XKR6: variants seen among roughly 807,000 people sequenced by gnomAD.
XKR6 encodes the protein XK related 6.
XKR6 carries 22 observed loss-of-function variants against 56.7 expected under a neutral mutation model. The ratio of observed to expected loss-of-function variants is 0.39; its 90% confidence interval spans 0.28 to 0.55. XKR6 has a LOEUF of 0.55. XKR6 is among the 20% of genes least tolerant of loss of function. XKR6 has a pLI of 0.66. For missense variants in XKR6, 852 were observed against 889.0 expected (o/e 0.96, Z 0.53); for synonymous variants, 524 against 387.8 (o/e 1.35, Z -4.13).
At chr8:11,128,832 A>C (rs1203829400) in intron 1 of XKR6, 2 of 456,764 alleles carry the variant, frequency 4.4e-6, no homozygotes, top group South Asian at 3.1e-5. Context: ...GAATCTGATC[A>C]CCTTACCACC....
At chr8:11,120,390 T>A (rs565077752) in intron 1 of XKR6, among the ~76,000 whole-genome samples, 1 of 152,068 alleles carries the variant, frequency 6.6e-6, no homozygotes, top group African/African-American at 2.4e-5. Flanking sequence ...TATACACCAA[T>A]AACAGACAAA....
chr8:10,979,166 G>A (rs996642105), intron 1 of XKR6, among the ~76,000 whole-genome samples: 7 of 151,844 alleles, frequency 4.6e-5, no homozygotes, highest in African/African-American at 1.2e-4. Flanking sequence ...GGGATCTCAC[G>A]GCACATCCTA....
chr8:10,967,680 G>C (rs1802266765), intron 1 of XKR6, among the ~76,000 whole-genome samples: 1 of 152,174 alleles, frequency 6.6e-6, no homozygotes, highest in Admixed American at 6.5e-5. Flanking sequence ...CAGGGCAGAG[G>C]GTCTGCAGCA....
At chr8:11,092,657 T>A (rs1352448227) in intron 1 of XKR6, among the ~76,000 whole-genome samples, 3 of 152,190 alleles carry the variant, frequency 2.0e-5, no homozygotes, top group African/African-American at 7.2e-5. Flanking sequence ...CAAGAAAGGC[T>A]GAGTAAAGCC....
At chr8:10,970,616 C>G (rs566952891) in intron 1 of XKR6, among the ~76,000 whole-genome samples, 1 of 152,078 alleles carries the variant, frequency 6.6e-6, no homozygotes, top group South Asian at 2.1e-4. Flanking sequence ...CTCAACTGTT[C>G]ATTCCTGTGA....
At chr8:10,946,066 C>A (rs191835695) in intron 1 of XKR6, among the ~76,000 whole-genome samples, 1 of 152,000 alleles carries the variant, frequency 6.6e-6, no homozygotes, top group Admixed American at 6.6e-5. Flanking sequence ...CTGCCATGCC[C>A]GTGATGGGAA....
chr8:11,085,543 C>G (rs1320171439), intron 1 of XKR6, among the ~76,000 whole-genome samples: 1 of 152,132 alleles, frequency 6.6e-6, no homozygotes, highest in Non-Finnish European at 1.5e-5. Context: ...CCTAAGTGAT[C>G]TTGGCCAGAG....
chr8:11,159,407 AT>A (rs1300167698), intron 1 of XKR6, among the ~76,000 whole-genome samples: 3 of 152,226 alleles, frequency 2.0e-5, no homozygotes, highest in Non-Finnish European at 4.4e-5. Context: ...GCTATGGCAA[AT>A]ACTGACCTAG....
At position 11,200,743 on chromosome 8, in the gene XKR6, G is replaced by A. The variant is rs1804171769; in HGVS notation, c.597C>T (p.Leu199=). The change falls in exon 1 of 3, where the codon CTC becomes CTT. Residue 199 remains leucine (L), a synonymous_variant. Transcript: ENST00000416569. This position sits in a 1 kb window ranked among gnomAD's most constrained non-coding sequence, Gnocchi z 6.4. ...TGGGLGAVEG[L]TSRGPPMMGA... ...CCATCATGGGGGGGCCCCGGCTGGT[G>A]AGCCCCTCCACGGCGCCCAGCCCGC... 3 of 1,594,712 alleles carry A rather than the reference G, an allele frequency of 1.9e-6. No homozygotes were observed. Among genetic ancestry groups the A allele is most frequent in the African/African-American group, 1.4e-5 (1 of 72,692 alleles).
intron 1 of XKR6, among the ~76,000 whole-genome samples, chr8:11,196,197 T>G (rs543740583): frequency 3.3e-5 from 5 of 152,282 alleles, no homozygotes; most frequent in African/African-American, 1.2e-4. Flanking sequence ...ACATTACAGA[T>G]CACTTATCCC....
At position 11,201,457 on chromosome 8, in the gene XKR6, C is replaced by G; in HGVS notation, c.-118G>C. 2 of 462,706 alleles carry G rather than the reference C, an allele frequency of 4.3e-6. No homozygotes were observed. The highest frequency in any genetic ancestry group is 4.7e-5 in the South Asian group (2 of 42,142). The allele number at this position is 462,706 out of a possible 1,614,324, so 28.7% of individuals were successfully genotyped here. ...GAGAGGAAGGGGGGCGGGGAGGAAG[C>G]GGGGGAGCAAACGAACGAGGGGGGA... On this transcript the variant is annotated 5_prime_UTR_variant, in exon 1 of 3. Coordinates refer to ENST00000416569, the MANE Select transcript of XKR6 (RefSeq NM_173683.4).
chr8:11,078,516 G>A (rs1485641682), intron 1 of XKR6, among the ~76,000 whole-genome samples: 1 of 152,192 alleles, frequency 6.6e-6, no homozygotes, highest in Non-Finnish European at 1.5e-5. Flanking sequence ...CAGGAACCTT[G>A]AGGTCACTGG....
At chr8:10,998,502 T>C (rs1798166795) in intron 1 of XKR6, among the ~76,000 whole-genome samples, 1 of 152,152 alleles carries the variant, frequency 6.6e-6, no homozygotes, top group South Asian at 2.1e-4. Flanking sequence ...ACTTCAAATT[T>C]ATGAGTATAA....
chr8:11,149,156 T>A (rs1801140943), intron 1 of XKR6, among the ~76,000 whole-genome samples: 1 of 152,188 alleles, frequency 6.6e-6, no homozygotes, highest in Non-Finnish European at 1.5e-5. Flanking sequence ...TACAGTCATG[T>A]GTCACTTAAG....
chr8:10,915,894 C>A (rs910026646), intron 2 of XKR6, among the ~76,000 whole-genome samples: 1 of 152,174 alleles, frequency 6.6e-6, no homozygotes, highest in African/African-American at 2.4e-5. Context: ...GATGAAGATG[C>A]GAGCCAGCCA....
At chr8:10,948,544 G>A (rs192527314) in intron 1 of XKR6, among the ~76,000 whole-genome samples, 11 of 152,306 alleles carry the variant, frequency 7.2e-5, no homozygotes. Context: ...TGCAGACCTT[G>A]TAGGGCCTGG....
At chr8:10,924,513 G>T in intron 2 of XKR6, 121 bp downstream of exon 2, 1 of 1,224,006 alleles carries the variant, frequency 8.2e-7, no homozygotes, top group Non-Finnish European at 1.1e-6. Flanking sequence ...GCGTCCTGGG[G>T]ACTCAGGGCA....
intron 1 of XKR6, among the ~76,000 whole-genome samples, chr8:11,182,964 A>G (rs1803075054): frequency 6.6e-6 from 1 of 152,200 alleles, no homozygotes; most frequent in South Asian, 2.1e-4. Context: ...GGAATCACAT[A>G]GTGTTTGTCC....
At chr8:10,915,663 A>G (rs1328722009) in intron 2 of XKR6, among the ~76,000 whole-genome samples, 3 of 152,204 alleles carry the variant, frequency 2.0e-5, no homozygotes, top group Non-Finnish European at 2.9e-5. Flanking sequence ...TCCATTTAAC[A>G]GGGTAATGGT....
Sources: gnomAD v4.1 joint callset for allele counts (sites outside exome capture counted in the v4.1 genomes callset) on GRCh38, gnomAD v4.1.1 for gene constraint, Gnocchi (gnomAD v3.1) non-coding constraint, MANE v1.5 for transcripts, NCBI Gene and HGNC (gene_info 2026-07-23, HGNC 2026-07-21) for gene names.